The following CACNA1B variants were observed in gnomAD, a reference collection of about 807,000 sequenced individuals.
CACNA1B encodes voltage-dependent N-type calcium channel subunit alpha-1B.
In CACNA1B, 70 loss-of-function variants were observed where a neutral mutation model predicts 247.2. The ratio of observed to expected loss-of-function variants is 0.28; its 90% CI spans 0.23 to 0.35. The LOEUF is 0.35. Ranked by LOEUF, CACNA1B falls within the 10% of genes least tolerant of loss-of-function variation. The probability of loss-of-function intolerance (pLI) is 1.00; values close to 1 mark genes in which losing one functional copy is unlikely to be tolerated. For synonymous variants in CACNA1B, 1,231 were observed against 1,294.4 expected (o/e 0.95, Z 1.05); for missense variants, 2,367 against 3,197.4 (o/e 0.74, Z 6.26).
intron 6 of CACNA1B, among the ~76,000 whole-genome samples, chr9:137,941,289 A>T (rs961976806): frequency 1.3e-5 from 2 of 152,192 alleles, no homozygotes; most frequent in Non-Finnish European, 2.9e-5. Context: ...CAAGCTGAGA[A>T]TGAAATCAAG....
intron 25 of CACNA1B, 96 bp from the exon 26 acceptor site, chr9:138,053,750 T>A (rs907218360): frequency 6.1e-6 from 5 of 822,188 alleles, no homozygotes; most frequent in Non-Finnish European, 9.5e-6. Context: ...TCATCGTGGC[T>A]CCACCCCTCC....
chr9:138,105,901 G>A (rs1961408327), intron 39 of CACNA1B, 94 bp downstream of exon 39: 7 of 728,466 alleles, frequency 9.6e-6, no homozygotes, highest in African/African-American at 3.5e-5. Flanking sequence ...AGGGAGGAGG[G>A]TGAGGGGCCA....
Position 138,120,388 on chromosome 9 carries a change from CCCGGGGAGT to C in CACNA1B, c.6238+19_6238+27del. 2.0e-6 allele frequency: 3 copies of C among 1,532,600 alleles called. No homozygotes were observed. Among genetic ancestry groups the C allele is most frequent in the Non-Finnish European group, 2.6e-6 (3 of 1,143,392 alleles). The allele number at this position is 1,532,600 out of a possible 1,614,324, so 94.9% of individuals were successfully genotyped here. ...ATGGATGGCGGTGCGTGCGGAGGGGCCCGGGGAGTCCTTCGGGGAGCTATGGCCCGAGTC... is the reference window on the plus strand; with the variant it reads ...ATGGATGGCGGTGCGTGCGGAGGGGCCCTTCGGGGAGCTATGGCCCGAGTC... On this transcript the variant is annotated intron_variant, in intron 45 of 46. Coordinates refer to ENST00000371372, the MANE Select transcript of CACNA1B (RefSeq NM_000718.4).
In CACNA1B at chr9:137,913,689, G is replaced by GT. The variant is rs1409481146; in HGVS notation, c.622+418_622+419insT. ...CTTGTCAGGGCCACTGGGGACTGAG[G>GT]CCAGCCTTAAGACATGCTCCTGAAG... On this transcript the variant is annotated intron_variant, in intron 4 of 46. Coordinates refer to ENST00000371372, the MANE Select transcript of CACNA1B (RefSeq NM_000718.4). The surrounding 1 kb of genome is among the most constrained non-coding windows in gnomAD (Gnocchi z 5.2). Among the ~76,000 whole-genome samples, 1 of 152,218 alleles carries GT rather than the reference G, an allele frequency of 6.6e-6. No homozygotes were observed. The highest frequency in any genetic ancestry group is 1.5e-5 in the Non-Finnish European group (1 of 68,046).
chr9:137,986,686 G>A lies in CACNA1B; in HGVS notation c.1902-96G>A, dbSNP rs1465519582. ...AGGGGCCAGTGTGCAGCCATCTGCA[G>A]CCTGAAGCGAGCAGGTTGAGGCCAC... On this transcript the variant is annotated intron_variant, in intron 14 of 46. Transcript: ENST00000371372. This position sits in a 1 kb window ranked among gnomAD's most constrained non-coding sequence, Gnocchi z 6.0. 7.1e-7 allele frequency: 1 copy of A among 1,411,606 alleles called. No individual in the cohort carries two copies. The highest frequency in any genetic ancestry group is 2.3e-5 in the East Asian group (1 of 43,880). 87.4% of individuals were successfully genotyped at this position (1,411,606 alleles called of 1,614,324 possible).
In CACNA1B at chr9:138,058,646, T is replaced by C. The variant is rs1367327009; in HGVS notation, c.4386T>C (p.Tyr1462=). Reference sequence around the variant, plus strand: ...CCCAAAACCGGCAGTCGTTCCAGTATAAGACGTGGACATTTGTGGTCTCCC... The same window carrying C: ...CCCAAAACCGGCAGTCGTTCCAGTACAAGACGTGGACATTTGTGGTCTCCC... ...YMPQNRQSFQ[Y]KTWTFVVSPP... is the part of the protein sequence containing the mutation. Residue 1462 remains tyrosine (Y), a synonymous_variant, in exon 29 of 47, where the codon TAT becomes TAC. Coordinates refer to ENST00000371372, the MANE Select transcript of CACNA1B (RefSeq NM_000718.4). The surrounding 1 kb of genome is among the most constrained non-coding windows in gnomAD (Gnocchi z 4.7). 7 of 1,613,718 alleles carry C rather than the reference T, an allele frequency of 4.3e-6. No individual in the cohort carries two copies. In the African/African-American group the frequency reaches 6.7e-5, roughly 15 times the overall value.
chr9:137,886,678 C>T (rs544298443), intron 3 of CACNA1B, among the ~76,000 whole-genome samples: 20 of 150,358 alleles, frequency 1.3e-4, no homozygotes, highest in African/African-American at 3.4e-4. Context: ...AGAGAGCAGT[C>T]GGCGGGTGGA....
At position 138,000,101 on chromosome 9, in the gene CACNA1B, C is replaced by CT. The variant is rs11317689; in HGVS notation, c.1975-6651dup. 8.6e-4 allele frequency among the ~76,000 whole-genome samples: 119 copies of CT among 137,822 alleles called. 3 individuals carry two copies. Among genetic ancestry groups the CT allele is most frequent in the South Asian group, 9.2e-4 (4 of 4,340 alleles). The allele number at this position is 137,822 out of a possible 152,430, so 90.4% of individuals were successfully genotyped here. A position where few individuals can be genotyped will look rare whatever the true frequency, so the allele number is the denominator to read the frequency against. ...GATTGGAAAGCGTAGATGAAACATG[C>CT]TTTTTTTTTTTTTTTGAGATGGAGT... On this transcript the variant is annotated intron_variant, in intron 15 of 46. Transcript: ENST00000371372.
At chr9:137,887,469 AAG>A (rs1480002638) in intron 3 of CACNA1B, among the ~76,000 whole-genome samples, 5 of 148,744 alleles carry the variant, frequency 3.4e-5, no homozygotes, top group Non-Finnish European at 6.0e-5. Context: ...TGTGGACAGA[AAG>A]GGGACAGCCC....
rs1959574111 is a variant in CACNA1B, at chr9:138,057,923, C to T, written c.4106+54C>T. 3 of 1,579,678 alleles carry T rather than the reference C, an allele frequency of 1.9e-6. No homozygotes were observed. Among genetic ancestry groups the T allele is most frequent in the Non-Finnish European group, 2.6e-6 (3 of 1,154,890 alleles). ...GGGGCAGGCAGCCCCTGAGCTCGGC[C>T]TCCCTTCCTCCCTCTATCCCTGGGC... On this transcript the variant is annotated intron_variant, in intron 27 of 46. Transcript: ENST00000371372. The surrounding 1 kb of genome is among the most constrained non-coding windows in gnomAD (Gnocchi z 4.0).
Position 137,984,136 on chromosome 9 carries a change from A to G in CACNA1B, c.1657-2A>G. 6.3e-7 allele frequency: 1 copy of G among 1,588,638 alleles called. No homozygotes were observed. Among genetic ancestry groups the G allele is most frequent in the South Asian group, 1.2e-5 (1 of 86,824 alleles). On this transcript the variant is annotated splice_acceptor_variant, in intron 12 of 46. Coordinates refer to ENST00000371372, the MANE Select transcript of CACNA1B (RefSeq NM_000718.4). LOFTEE classifies it high-confidence loss of function. ...CCCAAGGCTAATGCCATCCCGTTGC[A>G]GGTCATCGTGGGGAGCGTCTTTGAA...
chr9:138,032,168 T>C (rs1235945712), intron 20 of CACNA1B, among the ~76,000 whole-genome samples: 33 of 152,160 alleles, frequency 2.2e-4, no homozygotes. Flanking sequence ...ATAGGTTTTT[T>C]AAGACCTCGT....
At chr9:138,096,896 G>A (rs1272306762) in intron 37 of CACNA1B, among the ~76,000 whole-genome samples, 1 of 150,682 alleles carries the variant, frequency 6.6e-6, no homozygotes. Flanking sequence ...AGGAGTCATG[G>A]AAGGTTTTCA....
At position 138,051,925 on chromosome 9, in the gene CACNA1B, G is replaced by A. The variant is rs1013276691; in HGVS notation, c.3711-167G>A. Among the ~76,000 whole-genome samples, 1 of 152,122 alleles carries A rather than the reference G, an allele frequency of 6.6e-6. No individual in the cohort carries two copies. Among genetic ancestry groups the A allele is most frequent in the African/African-American group, 2.4e-5 (1 of 41,422 alleles). On this transcript the variant is annotated intron_variant, in intron 24 of 46. Transcript: ENST00000371372. This position sits in a 1 kb window ranked among gnomAD's most constrained non-coding sequence, Gnocchi z 4.3. Reference sequence around the variant, plus strand: ...CAGGCAGCCCCTGGGAAGAGTCATGGTGGCCTGTGGCACCTGCAGGGCAAG... The same window carrying A: ...CAGGCAGCCCCTGGGAAGAGTCATGATGGCCTGTGGCACCTGCAGGGCAAG...
In CACNA1B at chr9:138,047,473, T is replaced by C; in HGVS notation, c.3603+15T>C. 6.3e-7 allele frequency: 1 copy of C among 1,596,166 alleles called. No individual in the cohort carries two copies. Among genetic ancestry groups the C allele is most frequent in the Non-Finnish European group, 8.6e-7 (1 of 1,163,568 alleles). ...TGGTGATAAAGGTGAGATATGTGGC[T>C]GCCCTTGTGACCCCAGTGTTTTGCT... On this transcript the variant is annotated intron_variant, in intron 23 of 46. Coordinates refer to ENST00000371372, the MANE Select transcript of CACNA1B (RefSeq NM_000718.4).
At chr9:138,053,789 C>A in intron 25 of CACNA1B, 57 bp from the exon 26 acceptor site, 1 of 1,408,900 alleles carries the variant, frequency 7.1e-7, no homozygotes, top group Non-Finnish European at 1.0e-6. Flanking sequence ...CCCTCATGGC[C>A]CCACTCTCCC....
At chr9:138,022,869 CCCGAGGGG>C in intron 18 of CACNA1B, 134 bp from the exon 19 acceptor site, 1 of 1,157,574 alleles carries the variant, frequency 8.6e-7, no homozygotes, top group Non-Finnish European at 1.1e-6. Flanking sequence ...ATCCGCGTCC[CCCGAGGGG>C]TGTGGGGGCT....
intron 36 of CACNA1B, among the ~76,000 whole-genome samples, chr9:138,089,125 C>T (rs912635720): frequency 2.6e-5 from 4 of 151,992 alleles, no homozygotes; most frequent in Non-Finnish European, 5.9e-5. Context: ...ACTCATTCTA[C>T]AAGACTAGCA....
intron 6 of CACNA1B, among the ~76,000 whole-genome samples, chr9:137,933,341 G>A (rs113263358): frequency 0.027 from 4,125 of 152,222 alleles, 84 homozygotes; most frequent in Middle Eastern, 0.071. Flanking sequence ...GTGAGTCACC[G>A]CGTCCGGCAC....
Sources: allele counts gnomAD v4.1 joint callset (sites outside exome capture counted in the v4.1 genomes callset), GRCh38; gene constraint gnomAD v4.1.1; non-coding constraint Gnocchi (gnomAD v3.1); transcripts MANE v1.5; gene names NCBI Gene and HGNC (gene_info 2026-07-23, HGNC 2026-07-21).